The following LRRTM4 variants were observed in gnomAD, a reference collection of about 807,000 sequenced individuals.
The protein encoded by LRRTM4 is leucine rich repeat transmembrane neuronal 4, also known as leucine-rich repeat transmembrane neuronal protein 4.
Under a neutral mutation model 47.6 loss-of-function variants are expected in LRRTM4, and 25 were observed. The ratio of observed to expected loss-of-function variants is 0.53; its 90% CI spans 0.38 to 0.73. The LOEUF (loss-of-function observed/expected upper bound fraction) is 0.73, where lower values mean the gene tolerates loss of function less well. Among genes scored for constraint, LRRTM4 ranks in the 30% least tolerant of loss-of-function variants. LRRTM4 has a pLI of 0.00. For synonymous variants in LRRTM4, 311 were observed against 269.5 expected (o/e 1.15, Z -1.51); for missense variants, 638 against 713.4 (o/e 0.89, Z 1.20).
chr2:77,315,576 C>A (rs1677594595), intron 3 of LRRTM4, among the ~76,000 whole-genome samples: 1 of 152,062 alleles, frequency 6.6e-6, no homozygotes. Flanking sequence ...AACAAAATTT[C>A]TTATGAATGC....
At chr2:77,168,005 G>A (rs1672937816) in intron 3 of LRRTM4, among the ~76,000 whole-genome samples, 1 of 151,992 alleles carries the variant, frequency 6.6e-6, no homozygotes. Context: ...TTATTATAGG[G>A]AATCTGTTTT....
chr2:77,237,496 C>T (rs1281594944), intron 3 of LRRTM4, among the ~76,000 whole-genome samples: 1 of 152,042 alleles, frequency 6.6e-6, no homozygotes, highest in Non-Finnish European at 1.5e-5. Context: ...GAACCATGCA[C>T]AGAACCAACT....
intron 3 of LRRTM4, among the ~76,000 whole-genome samples, chr2:77,276,030 GA>G (rs1405931622): frequency 6.6e-6 from 1 of 151,878 alleles, no homozygotes; most frequent in Non-Finnish European, 1.5e-5. Context: ...CATTGAGTAG[GA>G]AAAGTGTGAC....
Position 77,276,908 on chromosome 2 carries a change from C to A in LRRTM4, c.1551+241410G>T, listed in dbSNP as rs115397811. On this transcript the variant is annotated intron_variant, in intron 3 of 3. Transcript: ENST00000409884. Reference sequence around the variant, plus strand: ...TGGGGAAATAATCAGGAAAAGAGGGCAAATTTCGAGGCCAGGAAAAGAGGG... The same window carrying A: ...TGGGGAAATAATCAGGAAAAGAGGGAAAATTTCGAGGCCAGGAAAAGAGGG... Among the ~76,000 whole-genome samples, 1,490 of 151,076 alleles carry A rather than the reference C, an allele frequency of 9.9e-3. 19 individuals carry two copies. Among genetic ancestry groups the A allele is most frequent in the African/African-American group, 0.035 (1,425 of 41,234 alleles).
intron 3 of LRRTM4, among the ~76,000 whole-genome samples, chr2:77,260,349 G>T (rs1675885290): frequency 6.7e-6 from 1 of 150,224 alleles, no homozygotes; most frequent in Admixed American, 6.7e-5. Context: ...TATCATTGAA[G>T]AAATTGGAAG....
intron 3 of LRRTM4, among the ~76,000 whole-genome samples, chr2:76,835,741 G>A (rs1490502914): frequency 4.6e-5 from 7 of 151,898 alleles, no homozygotes; most frequent in Admixed American, 4.6e-4. Context: ...GTCACGGTAA[G>A]GTCACTTAAG....
Position 77,319,684 on chromosome 2 carries a change from G to A in LRRTM4, c.1551+198634C>T, listed in dbSNP as rs187692025. On this transcript the variant is annotated intron_variant, in intron 3 of 3. Transcript: ENST00000409884. ...CAGGCTTACACAATTTCTCAAATAG[G>A]AGTGTATGTCGTACAAATGTAGCAC... Among the ~76,000 whole-genome samples the A allele has an allele frequency of 6.1e-3, 933 of 152,298 alleles. 11 individuals are homozygous for A. Among genetic ancestry groups the A allele is most frequent in the African/African-American group, 0.021 (855 of 41,564 alleles).
intron 3 of LRRTM4, among the ~76,000 whole-genome samples, chr2:76,853,676 T>C (rs961773992): frequency 6.6e-5 from 10 of 152,224 alleles, no homozygotes; most frequent in Non-Finnish European, 1.0e-4. Flanking sequence ...ATCTTGAAAG[T>C]TGTATTTGAA....
chr2:76,755,054 TACAGTAAA>T (rs1672980343), intron 3 of LRRTM4, among the ~76,000 whole-genome samples: 1 of 152,176 alleles, frequency 6.6e-6, no homozygotes, highest in East Asian at 1.9e-4. Flanking sequence ...TGATTTGTTA[TACAGTAAA>T]ACCAGTAGAG....
At chr2:76,883,248 T>G (rs1351583478) in intron 3 of LRRTM4, among the ~76,000 whole-genome samples, 3 of 152,204 alleles carry the variant, frequency 2.0e-5, no homozygotes, top group African/African-American at 7.2e-5. Flanking sequence ...TTGTATTGTG[T>G]GTTTAATCAG....
chr2:76,913,871 G>A (rs961965394), intron 3 of LRRTM4, among the ~76,000 whole-genome samples: 2 of 151,934 alleles, frequency 1.3e-5, no homozygotes, highest in African/African-American at 4.8e-5. Flanking sequence ...TTTATTAGAA[G>A]TATTAGAAAA....
intron 3 of LRRTM4, among the ~76,000 whole-genome samples, chr2:77,254,277 A>G (rs1467611476): frequency 6.6e-6 from 1 of 152,000 alleles, no homozygotes; most frequent in African/African-American, 2.4e-5. Flanking sequence ...CCTGAAAAGA[A>G]CTATCATCCT....
At chr2:77,326,229 G>A (rs1159043499) in intron 3 of LRRTM4, among the ~76,000 whole-genome samples, 6 of 152,058 alleles carry the variant, frequency 3.9e-5, no homozygotes, top group African/African-American at 1.4e-4. Context: ...TATTTCTTTG[G>A]TGTTTCTTTC....
chr2:77,116,242 C>T (rs905693602), intron 3 of LRRTM4, among the ~76,000 whole-genome samples: 24 of 150,094 alleles, frequency 1.6e-4, no homozygotes, highest in Middle Eastern at 3.5e-3. Context: ...TGTAATTAAA[C>T]GCAATAAATC....
chr2:77,419,825 T>A (rs969512516), intron 3 of LRRTM4, among the ~76,000 whole-genome samples: 1 of 152,126 alleles, frequency 6.6e-6, no homozygotes. Flanking sequence ...AAACTAAGAT[T>A]AATCACACTT....
At chr2:77,345,326 G>T (rs1477650665) in intron 3 of LRRTM4, among the ~76,000 whole-genome samples, 2 of 151,694 alleles carry the variant, frequency 1.3e-5, no homozygotes, top group Non-Finnish European at 3.0e-5. Flanking sequence ...CAAAATTTAT[G>T]CTCTGAGAAA....
rs148902858 is a variant in LRRTM4 at position 77,380,391 on chromosome 2, C to T, written c.1551+137927G>A. Among the ~76,000 whole-genome samples the T allele has an allele frequency of 2.0e-5, 3 of 152,158 alleles. 1 individual carries two copies. In the East Asian group the frequency reaches 5.8e-4, roughly 29 times the overall value. On this transcript the variant is annotated intron_variant, in intron 3 of 3. Coordinates refer to ENST00000409884, the MANE Select transcript of LRRTM4 (RefSeq NM_001134745.3). Reference sequence around the variant, plus strand: ...ATTAACAAAATTTGACCCAGGAATTCAGCTTCCAAAAATTTTTCATAATGA... The same window carrying T: ...ATTAACAAAATTTGACCCAGGAATTTAGCTTCCAAAAATTTTTCATAATGA...
At chr2:77,330,843 A>T (rs190120824) in intron 3 of LRRTM4, among the ~76,000 whole-genome samples, 10 of 152,286 alleles carry the variant, frequency 6.6e-5, no homozygotes, top group African/African-American at 2.4e-4. Flanking sequence ...CTCCTCAATC[A>T]TGAAATTGTT....
intron 3 of LRRTM4, among the ~76,000 whole-genome samples, chr2:76,935,787 A>G (rs897688935): frequency 6.6e-6 from 1 of 152,194 alleles, no homozygotes; most frequent in Non-Finnish European, 1.5e-5. Flanking sequence ...TGTCTTCTAC[A>G]AACAGATAAT....
Sources: gnomAD v4.1 joint callset for allele counts (sites outside exome capture counted in the v4.1 genomes callset) on GRCh38, gnomAD v4.1.1 for gene constraint, MANE v1.5 for transcripts, NCBI Gene and HGNC (gene_info 2026-07-23, HGNC 2026-07-21) for gene names.